FHAD1: variants seen among roughly 807,000 people sequenced by gnomAD.
The protein encoded by FHAD1 is forkhead associated phosphopeptide binding domain 1, also known as forkhead-associated domain-containing protein 1.
Under a neutral mutation model 191.3 loss-of-function variants are expected in FHAD1, and 146 were observed. The observed-to-expected ratio is 0.76, with a 90% CI of 0.67 to 0.88. The LOEUF is 0.88. Ranked by LOEUF, FHAD1 falls within the 40% of genes least tolerant of loss-of-function variation. The pLI is 0.00. For synonymous variants in FHAD1, 616 were observed against 672.3 expected, an observed-to-expected ratio of 0.92 and a Z score of 1.29; for missense variants, 1,635 against 1,785.8, an observed-to-expected ratio of 0.92 and a Z score of 1.52.
chr1:15,305,549 G>A (rs921566799), intron 6 of FHAD1, among the ~76,000 whole-genome samples: 4 of 152,180 alleles, frequency 2.6e-5, no homozygotes, highest in Non-Finnish European at 4.4e-5. Flanking sequence ...GGGAGCTGAT[G>A]TGGTTTGACT....
chr1:15,395,799 T>C (rs1705752748), intron 33 of FHAD1, among the ~76,000 whole-genome samples: 1 of 152,112 alleles, frequency 6.6e-6, no homozygotes, highest in African/African-American at 2.4e-5. Flanking sequence ...TGGGATAATT[T>C]TTTTTTTAGC....
chr1:15,308,718 GACA>G lies in FHAD1; in HGVS notation c.1024_1026del (p.Asn342del). ...GAATGAGGGCGAGAACTTAAAGAGA[GACA>G]ACGCTATCACATCAGGTGAGCCCTT... On this transcript the variant is annotated inframe_deletion, in exon 7 of 34. Coordinates refer to ENST00000688493, the MANE Select transcript of FHAD1 (RefSeq NM_001391957.1). 6.4e-7 allele frequency: 1 copy of G among 1,551,754 alleles called. No individual in the cohort carries two copies. Among genetic ancestry groups the G allele is most frequent in the Non-Finnish European group, 8.7e-7 (1 of 1,146,996 alleles).
chr1:15,269,915 C>CTT (rs144971337), intron 2 of FHAD1, among the ~76,000 whole-genome samples: 21,870 of 122,904 alleles, frequency 0.18, 2,181 homozygotes, highest in Middle Eastern at 0.26. Flanking sequence ...TTATGGCTCT[C>CTT]TTTTTTTTTT....
At chr1:15,254,008 T>C (rs760899623) in intron 2 of FHAD1, among the ~76,000 whole-genome samples, 3 of 152,228 alleles carry the variant, frequency 2.0e-5, no homozygotes, top group Non-Finnish European at 4.4e-5. Context: ...CTAAGAGTTA[T>C]AAACGCAATC....
intron 23 of FHAD1, among the ~76,000 whole-genome samples, chr1:15,365,302 C>T (rs1310691052): frequency 1.3e-5 from 2 of 152,020 alleles, no homozygotes; most frequent in Non-Finnish European, 2.9e-5. Context: ...CAGCCAGATC[C>T]TGTGTTCTAT....
chr1:15,344,809 G>A (rs1177748298), intron 16 of FHAD1, among the ~76,000 whole-genome samples: 1 of 152,162 alleles, frequency 6.6e-6, no homozygotes, highest in Non-Finnish European at 1.5e-5. Context: ...CCCAACACAG[G>A]AAGACTATTA....
At chr1:15,250,185 CTGT>C (rs999986360) in intron 1 of FHAD1, among the ~76,000 whole-genome samples, 8 of 152,172 alleles carry the variant, frequency 5.3e-5, no homozygotes, top group African/African-American at 1.9e-4. Flanking sequence ...AAGAGAGAGA[CTGT>C]TGTTGTTCTT....
At chr1:15,288,689 A>G (rs1663367667) in intron 3 of FHAD1, among the ~76,000 whole-genome samples, 1 of 152,234 alleles carries the variant, frequency 6.6e-6, no homozygotes, top group African/African-American at 2.4e-5. Flanking sequence ...AGGTAGATGA[A>G]AAGTCCCTAA....
chr1:15,249,782 G>C (rs909863508), intron 1 of FHAD1, among the ~76,000 whole-genome samples: 4 of 151,826 alleles, frequency 2.6e-5, no homozygotes, highest in Non-Finnish European at 5.9e-5. Flanking sequence ...CCCCCACTCA[G>C]TCACTCTCTC....
chr1:15,337,473 C>T (rs1288327096), intron 14 of FHAD1, among the ~76,000 whole-genome samples: 1 of 152,204 alleles, frequency 6.6e-6, no homozygotes, highest in African/African-American at 2.4e-5. Flanking sequence ...TAGCGGAGCT[C>T]CCTGCCTCTC....
At chr1:15,368,580 C>T (rs952925805) in intron 25 of FHAD1, among the ~76,000 whole-genome samples, 1 of 152,174 alleles carries the variant, frequency 6.6e-6, no homozygotes, top group East Asian at 1.9e-4. Context: ...TTGTGTGCCT[C>T]GTGGCCAAAG....
intron 28 of FHAD1, among the ~76,000 whole-genome samples, chr1:15,380,484 A>G (rs1194808683): frequency 2.0e-5 from 3 of 152,226 alleles, no homozygotes; most frequent in African/African-American, 4.8e-5. Context: ...AGTGATGTAT[A>G]ATTACAGAGA....
At chr1:15,341,694 C>G (rs1204976137) in intron 15 of FHAD1, 42 bp from the exon 16 acceptor site, 1 of 1,505,554 alleles carries the variant, frequency 6.6e-7, no homozygotes, top group Admixed American at 2.1e-5. Context: ...TTTAGTTAGG[C>G]CTGTCCCCCA....
chr1:15,388,859 T>C (rs1286347851), intron 32 of FHAD1, among the ~76,000 whole-genome samples: 1 of 152,194 alleles, frequency 6.6e-6, no homozygotes, highest in African/African-American at 2.4e-5. Context: ...AAGAACAGCC[T>C]TCGTGGGGTG....
At chr1:15,307,602 A>G (rs1670902074) in intron 6 of FHAD1, among the ~76,000 whole-genome samples, 1 of 152,206 alleles carries the variant, frequency 6.6e-6, no homozygotes, top group South Asian at 2.1e-4. Context: ...GTTACAGGGA[A>G]TAAGTCTCAC....
intron 25 of FHAD1, among the ~76,000 whole-genome samples, chr1:15,368,685 A>G (rs1289114001): frequency 6.6e-6 from 1 of 152,184 alleles, no homozygotes; most frequent in African/African-American, 2.4e-5. Flanking sequence ...CACGCCTGTA[A>G]TCCCAGCACT....
chr1:15,267,756 T>C (rs1035402532), intron 2 of FHAD1, among the ~76,000 whole-genome samples: 3 of 147,860 alleles, frequency 2.0e-5, no homozygotes. Flanking sequence ...ATAATATTCC[T>C]TTATATATCA....
intron 10 of FHAD1, among the ~76,000 whole-genome samples, chr1:15,323,334 C>T (rs1677013895): frequency 6.6e-6 from 1 of 152,176 alleles, no homozygotes; most frequent in Admixed American, 6.5e-5. Flanking sequence ...AGAACAGAGC[C>T]CAGGACAGCC....
At chr1:15,314,406 T>C (rs1356563837) in intron 8 of FHAD1, 1 of 152,140 alleles carries the variant, frequency 6.6e-6, no homozygotes, top group African/African-American at 2.4e-5. Context: ...GAGTGGGCTT[T>C]TGTTATAACT....
Sources: allele counts gnomAD v4.1 joint callset (sites outside exome capture counted in the v4.1 genomes callset), GRCh38; gene constraint gnomAD v4.1.1; transcripts MANE v1.5; gene names NCBI Gene and HGNC (gene_info 2026-07-23, HGNC 2026-07-21).